The following DNAH10 variants were observed in gnomAD, a reference collection of about 807,000 sequenced individuals.
DNAH10 encodes axonemal beta dynein heavy chain 10.
In DNAH10, 348 loss-of-function variants were observed where a neutral mutation model predicts 506.6. That is an observed-to-expected ratio of 0.69 (90% CI 0.63 to 0.75). DNAH10 has a LOEUF of 0.75. Ranked by LOEUF, DNAH10 falls within the 30% of genes least tolerant of loss-of-function variation. The pLI is 0.00. For missense variants in DNAH10, 5,179 were observed against 5,787.1 expected (o/e 0.89, Z 3.41); for synonymous variants, 2,059 against 2,198.6 (o/e 0.94, Z 1.78).
chr12:123,763,938 T>C (rs888423255), intron 1 of DNAH10, among the ~76,000 whole-genome samples: 5 of 151,220 alleles, frequency 3.3e-5, no homozygotes, highest in African/African-American at 1.2e-4. Context: ...CAATCTCGGC[T>C]CACTGCAACC....
chr12:123,857,671 T>C (rs960716716), intron 37 of DNAH10, among the ~76,000 whole-genome samples: 1 of 152,222 alleles, frequency 6.6e-6, no homozygotes, highest in Non-Finnish European at 1.5e-5. Context: ...GAGGTTGCAG[T>C]GAGCCAAGAT....
At chr12:123,893,200 CAG>C (rs1266229541) in intron 52 of DNAH10, 31 bp from the exon 53 acceptor site, 1 of 1,605,612 alleles carries the variant, frequency 6.2e-7, no homozygotes, top group South Asian at 1.1e-5. Flanking sequence ...CCCTGGGACT[CAG>C]AGAGATCACC....
chr12:123,870,163 C>T (rs1951970701), intron 43 of DNAH10, among the ~76,000 whole-genome samples: 1 of 152,216 alleles, frequency 6.6e-6, no homozygotes, highest in South Asian at 2.1e-4. Flanking sequence ...GAAGCATAAG[C>T]TCCAAATACT....
rs11057349 is a variant in DNAH10 at position 123,770,255 on chromosome 12, A to T, written c.299-1346A>T. On this transcript the variant is annotated intron_variant, in intron 2 of 78. Coordinates refer to ENST00000673944, the MANE Select transcript of DNAH10 (RefSeq NM_001372106.1). The stretch of plus-strand genomic sequence containing the variant: ...ACAGTGAGATTTGTCTCAAAAAAAA[A>T]TTTTTTTTTAAAATTTTTTTTGTAG... Among the ~76,000 whole-genome samples the T allele has an allele frequency of 3.4e-3, 355 of 103,582 alleles. 5 individuals carry two copies. Among genetic ancestry groups the T allele is most frequent in the African/African-American group, 9.1e-3 (302 of 33,054 alleles). The allele number at this position is 103,582 out of a possible 152,430, so 68.0% of individuals were successfully genotyped here.
rs113322141 is a variant in DNAH10, at chr12:123,853,593, C to T, written c.6438+241C>T. 1.0e-3 allele frequency among the ~76,000 whole-genome samples: 154 copies of T among 152,260 alleles called. 1 individual carries two copies. The highest frequency in any genetic ancestry group is 3.5e-3 in the African/African-American group (147 of 41,532). Reference sequence around the variant, plus strand: ...CGCTCCAATAGCAACATTTATGATGCTTCCATAGTAATAATCTGTAGTCTC... The same window carrying T: ...CGCTCCAATAGCAACATTTATGATGTTTCCATAGTAATAATCTGTAGTCTC... On this transcript the variant is annotated intron_variant, in intron 36 of 78. Coordinates refer to ENST00000673944, the MANE Select transcript of DNAH10 (RefSeq NM_001372106.1). This position sits in a 1 kb window ranked among gnomAD's most constrained non-coding sequence, Gnocchi z 4.7.
intron 49 of DNAH10, 89 bp from the exon 50 acceptor site, chr12:123,879,545 A>C: frequency 6.5e-7 from 1 of 1,547,438 alleles, no homozygotes; most frequent in Non-Finnish European, 8.8e-7. Flanking sequence ...AAATTATTTT[A>C]GATAATAGTA....
At chr12:123,799,607 A>G (rs1408158037) in intron 14 of DNAH10, among the ~76,000 whole-genome samples, 1 of 152,148 alleles carries the variant, frequency 6.6e-6, no homozygotes, top group Admixed American at 6.5e-5. Context: ...GCTGAATACC[A>G]AGCCTCCGTT....
chr12:123,803,685 G>T lies in DNAH10; in HGVS notation c.2639G>T (p.Cys880Phe). 6.2e-7 allele frequency: 1 copy of T among 1,604,156 alleles called. No homozygotes were observed. Among genetic ancestry groups the T allele is most frequent in the Non-Finnish European group, 8.5e-7 (1 of 1,177,620 alleles). ...GGTATCGGTGACTATATAACTGGTT[G>T]CAAACAGGCCATTGGGAAATTTGAG... ...SLGIGDYITG[C>F]KQAIGKFESL... Residue 880 changes from cysteine to phenylalanine, a missense_variant, in exon 17 of 79, where the codon TGC (cysteine) becomes TTC (phenylalanine). By Grantham distance (205) the Cys-to-Phe change is radical (BLOSUM62 -2). Transcript: ENST00000673944.
Position 123,838,709 on chromosome 12 carries a change from A to AG in DNAH10, c.5136+24dup, listed in dbSNP as rs770108171. On this transcript the variant is annotated intron_variant, in intron 29 of 78. Coordinates refer to ENST00000673944, the MANE Select transcript of DNAH10 (RefSeq NM_001372106.1). ...ATCAAGGTCAGCCCTCTGGGTGTGC[A>AG]GGGGCTCCCCGTGTAAGCCTTAGAA... The AG allele has an allele frequency of 3.1e-6, 5 of 1,606,168 alleles. No individual in the cohort carries two copies. The highest frequency in any genetic ancestry group is 4.3e-6 in the Non-Finnish European group (5 of 1,174,382).
At chr12:123,842,414 T>C (rs946051031) in intron 30 of DNAH10, among the ~76,000 whole-genome samples, 1 of 152,238 alleles carries the variant, frequency 6.6e-6, no homozygotes, top group African/African-American at 2.4e-5. Flanking sequence ...AAAGCCTCTT[T>C]GGCTAACTTA....
In DNAH10 at chr12:123,929,429, A is replaced by C. The variant is rs778683719; in HGVS notation, c.12461A>C (p.Lys4154Thr). The stretch of plus-strand genomic sequence containing the variant: ...CATGCTGTGGTGCAGGAGAGAAGGA[A>C]GTTTGGGAAGATTGGCTGGAACGTG... ...FFHAVVQERR[K>T]FGKIGWNVYY... Residue 4154 changes from lysine to threonine, a missense_variant, in exon 71 of 79, where the codon AAG (lysine) becomes ACG (threonine). Transcript: ENST00000673944. 43 of 1,613,636 alleles carry C rather than the reference A, an allele frequency of 2.7e-5. No homozygotes were observed. Among genetic ancestry groups the C allele is most frequent in the Non-Finnish European group, 3.4e-5 (40 of 1,179,852 alleles).
intron 19 of DNAH10, 36 bp from the exon 20 acceptor site, chr12:123,813,128 A>ATT (rs1166424808): frequency 6.5e-7 from 1 of 1,534,290 alleles, no homozygotes; most frequent in South Asian, 1.2e-5. Context: ...ATAGATACTA[A>ATT]AATACTGTCT....
intron 52 of DNAH10, among the ~76,000 whole-genome samples, chr12:123,892,665 T>G (rs1020879782): frequency 6.6e-6 from 1 of 152,244 alleles, no homozygotes; most frequent in Non-Finnish European, 1.5e-5. Context: ...ACGTCAGAGA[T>G]GGCATAAAAT....
chr12:123,928,368 T>TC lies in DNAH10; in HGVS notation c.12106-16dup. 6.4e-7 allele frequency: 1 copy of TC among 1,568,228 alleles called. No homozygotes were observed. Among genetic ancestry groups the TC allele is most frequent in the Non-Finnish European group, 8.6e-7 (1 of 1,157,250 alleles). Reference sequence around the variant, plus strand: ...GTTTGGATGCCAACCCCTCTCCTCTTCCCTCTCCCCCGGCGCAGGTGGCCC... The same window carrying TC: ...GTTTGGATGCCAACCCCTCTCCTCTTCCCCTCTCCCCCGGCGCAGGTGGCCC... On this transcript the variant is annotated intron_variant, in intron 69 of 78. Transcript: ENST00000673944. The surrounding 1 kb of genome is among the most constrained non-coding windows in gnomAD (Gnocchi z 4.9).
At chr12:123,920,136 C>T (rs1001897290) in intron 65 of DNAH10, among the ~76,000 whole-genome samples, 2 of 152,158 alleles carry the variant, frequency 1.3e-5, no homozygotes, top group Non-Finnish European at 2.9e-5. Context: ...AGAATAGTGT[C>T]GTGATCGTCT....
intron 50 of DNAH10, 68 bp downstream of exon 50, chr12:123,879,869 C>T: frequency 6.4e-7 from 1 of 1,553,962 alleles, no homozygotes; most frequent in East Asian, 2.3e-5. Context: ...GGGAGCTGAG[C>T]ATCGCGCGGG....
intron 52 of DNAH10, among the ~76,000 whole-genome samples, chr12:123,888,080 C>T (rs779948174): frequency 6.6e-6 from 1 of 152,108 alleles, no homozygotes; most frequent in African/African-American, 2.4e-5. Flanking sequence ...GGCATGATGG[C>T]GTGAGCCTGT....
intron 1 of DNAH10, among the ~76,000 whole-genome samples, chr12:123,763,877 T>C (rs1956922535): frequency 1.3e-5 from 2 of 150,608 alleles, no homozygotes. Context: ...TTCTTTTTTT[T>C]TTTTTTGAGA....
At chr12:123,801,511 C>T in intron 16 of DNAH10, 79 bp downstream of exon 16, 1 of 1,511,916 alleles carries the variant, frequency 6.6e-7, no homozygotes, top group Non-Finnish European at 9.0e-7. Context: ...TTTGAATTAC[C>T]ATTTTCATAT....
Sources: allele counts gnomAD v4.1 joint callset (sites outside exome capture counted in the v4.1 genomes callset), GRCh38; gene constraint gnomAD v4.1.1; non-coding constraint Gnocchi (gnomAD v3.1); transcripts MANE v1.5; gene names NCBI Gene and HGNC (gene_info 2026-07-23, HGNC 2026-07-21).